The following TBC1D30 variants were observed in gnomAD, a reference collection of about 807,000 sequenced individuals.
The protein encoded by TBC1D30 is TBC1 domain family, member 30.
In TBC1D30, 31 loss-of-function variants were observed where a neutral mutation model predicts 63.2. The ratio of observed to expected loss-of-function variants is 0.49; its 90% CI spans 0.37 to 0.66. TBC1D30 has a LOEUF of 0.66. Ranked by LOEUF, TBC1D30 falls within the 30% of genes least tolerant of loss-of-function variation. The pLI is 0.00. For missense variants in TBC1D30, 810 were observed against 953.6 expected (o/e 0.85, Z 1.98); for synonymous variants, 307 against 361.5 (o/e 0.85, Z 1.71).
chr12:64,832,196 G>A lies in TBC1D30; in HGVS notation c.486G>A (p.Leu162=), dbSNP rs1188542586. 2.6e-6 allele frequency: 4 copies of A among 1,536,158 alleles called. No homozygotes were observed. Among genetic ancestry groups the A allele is most frequent in the Non-Finnish European group, 3.5e-6 (4 of 1,146,916 alleles). ...EQDRVVLKRV[L]LAYARWNKTV... Reference sequence around the variant, plus strand: ...ACAGGGTTGTGTTGAAGCGGGTGCTGCTGGCCTATGCCCGATGGAACAAAA... The same window carrying A: ...ACAGGGTTGTGTTGAAGCGGGTGCTACTGGCCTATGCCCGATGGAACAAAA... The change falls in exon 5 of 12, where the codon CTG becomes CTA. Residue 162 remains leucine, a synonymous_variant. Transcript: ENST00000539867.
intron 2 of TBC1D30, among the ~76,000 whole-genome samples, chr12:64,807,350 C>T (rs1318281323): frequency 2.0e-5 from 3 of 152,166 alleles, no homozygotes; most frequent in African/African-American, 4.8e-5. Context: ...TACCCAATCT[C>T]GGGCAGTTCT....
intron 8 of TBC1D30, among the ~76,000 whole-genome samples, chr12:64,853,549 T>G (rs919375950): frequency 4.6e-5 from 7 of 152,116 alleles, no homozygotes; most frequent in Non-Finnish European, 2.9e-5. Flanking sequence ...AAAAAAAAAC[T>G]CCTGCAGCTA....
chr12:64,816,032 A>G (rs952408136), intron 2 of TBC1D30, among the ~76,000 whole-genome samples: 5 of 123,092 alleles, frequency 4.1e-5, no homozygotes, highest in East Asian at 6.5e-4. Flanking sequence ...TTTGTTCAGA[A>G]TACTTTTTTT....
chr12:64,786,355 A>G lies in TBC1D30; in HGVS notation c.643+310A>G, dbSNP rs141551303. ...ATTTATTTATTTATTTATTTGAAAC[A>G]GAGTCTCACTCCGTCACCCAGGCTG... On this transcript the variant is annotated intron_variant, in intron 2 of 12. Transcript: ENST00000542120. Among the ~76,000 whole-genome samples, 7 of 152,182 alleles carry G rather than the reference A, an allele frequency of 4.6e-5. No homozygotes were observed. The East Asian group carries it at 1.2e-3, about 25-fold the overall frequency.
At chr12:64,840,556 C>G (rs1055097154) in intron 7 of TBC1D30, among the ~76,000 whole-genome samples, 2 of 152,206 alleles carry the variant, frequency 1.3e-5, no homozygotes, top group Non-Finnish European at 2.9e-5. Flanking sequence ...AGTCGCTGTT[C>G]TAATTACTCT....
At chr12:64,760,967 A>G (rs1350102854) in intron 1 of TBC1D30, among the ~76,000 whole-genome samples, 3 of 152,194 alleles carry the variant, frequency 2.0e-5, no homozygotes, top group Admixed American at 6.5e-5. Context: ...ATGAACCACA[A>G]AAGGATCTTA....
Position 64,834,564 on chromosome 12 carries a change from G to A in TBC1D30, c.595-1926G>A, listed in dbSNP as rs1406079685. 2.6e-5 allele frequency among the ~76,000 whole-genome samples: 4 copies of A among 151,526 alleles called. 1 individual carries two copies. Among genetic ancestry groups the A allele is most frequent in the Non-Finnish European group, 5.9e-5 (4 of 67,876 alleles). ...TGGGATTACAGGTATACACCACCACGCCCAGCAAATTTTTATATTTTTAGT... is the reference window on the plus strand; with the variant it reads ...TGGGATTACAGGTATACACCACCACACCCAGCAAATTTTTATATTTTTAGT... On this transcript the variant is annotated intron_variant, in intron 5 of 11. Coordinates refer to ENST00000539867, the MANE Select transcript of TBC1D30 (RefSeq NM_015279.2).
chr12:64,807,580 TG>T (rs1872941892), intron 2 of TBC1D30, among the ~76,000 whole-genome samples: 1 of 152,184 alleles, frequency 6.6e-6, no homozygotes, highest in African/African-American at 2.4e-5. Context: ...TCAAGTCACA[TG>T]GGTAGTTGGT....
intron 1 of TBC1D30, among the ~76,000 whole-genome samples, chr12:64,775,016 C>T (rs1052813780): frequency 3.3e-5 from 5 of 151,764 alleles, no homozygotes; most frequent in Non-Finnish European, 4.4e-5. Flanking sequence ...TTGGTTGAAC[C>T]CAGGAGGCAG....
intron 8 of TBC1D30, among the ~76,000 whole-genome samples, chr12:64,853,629 C>T (rs996912063): frequency 4.6e-5 from 7 of 152,144 alleles, no homozygotes; most frequent in Non-Finnish European, 1.0e-4. Flanking sequence ...TGTAGGCACC[C>T]GAGGGAATCT....
rs966435953 is a variant in TBC1D30 at position 64,876,324 on chromosome 12, AT to A, written c.*546del. 1.3e-3 allele frequency: 193 copies of A among 153,560 alleles called. No homozygotes were observed. Among genetic ancestry groups the A allele is most frequent in the African/African-American group, 3.5e-3 (143 of 41,230 alleles). The allele number at this position is 153,560 out of a possible 1,614,324, so 9.5% of individuals were successfully genotyped here. ...AGATTTCCCACAGTACCAGTTTCAA[AT>A]TTTTTTTTTATTCTTATGCTAAATC... On this transcript the variant is annotated 3_prime_UTR_variant, in exon 12 of 12. Coordinates refer to ENST00000539867, the MANE Select transcript of TBC1D30 (RefSeq NM_015279.2).
At position 64,866,839 on chromosome 12, in the gene TBC1D30, G is replaced by A. The variant is rs1360941574; in HGVS notation, c.1227G>A (p.Gly409=). The A allele has an allele frequency of 1.3e-5, 20 of 1,536,340 alleles. No individual in the cohort carries two copies. In the South Asian group the frequency reaches 1.8e-4, roughly 14 times the overall value. ...DDEDAVVNAV[G]CLGPFSGFLA... ...AGGATGCTGTCGTTAATGCAGTGGGGTGTCTTGGACCTTTTAGTGGGTTCC... is the reference window on the plus strand; with the variant it reads ...AGGATGCTGTCGTTAATGCAGTGGGATGTCTTGGACCTTTTAGTGGGTTCC... The change falls in exon 10 of 12, where the codon GGG becomes GGA. Residue 409 remains glycine (G), a synonymous_variant. Coordinates refer to ENST00000539867, the MANE Select transcript of TBC1D30 (RefSeq NM_015279.2).
intron 2 of TBC1D30, among the ~76,000 whole-genome samples, chr12:64,796,375 T>C (rs1277700761): frequency 6.6e-6 from 1 of 152,146 alleles, no homozygotes; most frequent in Non-Finnish European, 1.5e-5. Flanking sequence ...GAGTTTTTTG[T>C]TTGTTTTCTC....
At chr12:64,819,280 G>T (rs1873739970) in intron 2 of TBC1D30, among the ~76,000 whole-genome samples, 1 of 151,892 alleles carries the variant, frequency 6.6e-6, no homozygotes, top group East Asian at 1.9e-4. Flanking sequence ...TCAAATAATT[G>T]TAGTTTTTTT....
chr12:64,802,083 T>C (rs748033558), intron 2 of TBC1D30, among the ~76,000 whole-genome samples: 3 of 152,226 alleles, frequency 2.0e-5, no homozygotes, highest in Non-Finnish European at 4.4e-5. Flanking sequence ...ATTTTGACAC[T>C]GTGTGTTGGA....
intron 10 of TBC1D30, 23 bp downstream of exon 10, chr12:64,866,926 A>G: frequency 1.3e-6 from 2 of 1,535,492 alleles, no homozygotes; most frequent in Admixed American, 2.0e-5. Flanking sequence ...CTCTTGATTT[A>G]GATTATCATG....
At chr12:64,828,412 A>G (rs2136363113) in intron 2 of TBC1D30, 32 bp from the exon 3 acceptor site, 3 of 1,506,910 alleles carry the variant, frequency 2.0e-6, no homozygotes, top group East Asian at 4.9e-5. Flanking sequence ...GGTCACTGTG[A>G]TCACCTCCTG....
chr12:64,778,930 T>C (rs150744442), upstream of TBC1D30: 18 of 152,312 alleles, frequency 1.2e-4, no homozygotes, highest in African/African-American at 4.1e-4. Context: ...CGTGCTTTCC[T>C]TGTTAGTTTT....
At chr12:64,853,379 G>A (rs900809316) in intron 8 of TBC1D30, among the ~76,000 whole-genome samples, 4 of 152,208 alleles carry the variant, frequency 2.6e-5, no homozygotes, top group African/African-American at 9.7e-5. Flanking sequence ...TCAGACTGCT[G>A]TGCTGGCAGC....
Sources: allele counts gnomAD v4.1 joint callset (sites outside exome capture counted in the v4.1 genomes callset), GRCh38; gene constraint gnomAD v4.1.1; transcripts MANE v1.5; gene names NCBI Gene and HGNC (gene_info 2026-07-23, HGNC 2026-07-21).